The following HEXB variants were observed in gnomAD, a reference collection of about 807,000 sequenced individuals.
HEXB encodes beta-hexosaminidase subunit beta.
A neutral mutation model predicts 71.2 loss-of-function variants in HEXB; 51 were observed. That is an observed-to-expected ratio of 0.72 (90% CI 0.57 to 0.90). HEXB has a LOEUF of 0.90. Ranked by LOEUF, HEXB falls within the 40% of genes least tolerant of loss-of-function variation. HEXB has a pLI of 0.00. For missense variants in HEXB, 617 were observed against 677.0 expected (o/e 0.91, Z 0.98); for synonymous variants, 266 against 249.3 (o/e 1.07, Z -0.63).
chr5:74,708,271 G>A (rs367730905), intron 6 of HEXB, among the ~76,000 whole-genome samples: 15 of 151,660 alleles, frequency 9.9e-5, no homozygotes, highest in African/African-American at 1.9e-4. Flanking sequence ...GGCCTGCCCT[G>A]AAAGAGCTCC....
intron 1 of HEXB, among the ~76,000 whole-genome samples, chr5:74,668,349 G>A (rs1748474369): frequency 6.6e-6 from 1 of 152,008 alleles, no homozygotes; most frequent in Admixed American, 6.6e-5. Flanking sequence ...CTTCAGGACT[G>A]ACGGTGGAGG....
chr5:74,709,655 A>C (rs1749490410), intron 6 of HEXB, among the ~76,000 whole-genome samples: 1 of 152,192 alleles, frequency 6.6e-6, no homozygotes. Context: ...AGAATACTAC[A>C]AACACCTCTA....
chr5:74,718,311 C>G lies in HEXB; in HGVS notation c.1190C>G (p.Thr397Ser), dbSNP rs1426794143. 1 of 1,610,416 alleles carries G rather than the reference C, an allele frequency of 6.2e-7. No individual in the cohort carries two copies. Among genetic ancestry groups the G allele is most frequent in the East Asian group, 2.2e-5 (1 of 44,812 alleles). ...YIQKVLDIIA[T>S]INKGSIVWQE... ...ACTAGGGTTTTGGATATTATTGCAA[C>G]CATAAACAAGGGATCCATTGTCTGG... Residue 397 changes from threonine (T) to serine (S), a missense_variant, in exon 10 of 14, where the codon ACC becomes AGC. Thr to Ser is a moderately conservative substitution (Grantham distance 58). Transcript: ENST00000261416.
At chr5:74,692,085 A>G (rs575535508) in intron 2 of HEXB, among the ~76,000 whole-genome samples, 4 of 152,320 alleles carry the variant, frequency 2.6e-5, no homozygotes, top group East Asian at 1.9e-4. Flanking sequence ...AATATATGCA[A>G]TATATTAATG....
At chr5:74,684,249 C>T (rs1469613535), upstream of HEXB, among the ~76,000 whole-genome samples, 1 of 152,218 alleles carries the variant, frequency 6.6e-6, no homozygotes, top group Non-Finnish European at 1.5e-5. Context: ...ACCTCTTCTC[C>T]CTTTGGCATC....
chr5:74,650,549 C>A (rs1313450860), intron 1 of HEXB, among the ~76,000 whole-genome samples: 2 of 152,166 alleles, frequency 1.3e-5, no homozygotes, highest in African/African-American at 2.4e-5. Context: ...CAGGGGTCTG[C>A]TGCCTTTCCT....
chr5:74,670,533 A>G (rs1580369688), intron 1 of HEXB, among the ~76,000 whole-genome samples: 1 of 152,204 alleles, frequency 6.6e-6, no homozygotes, highest in Non-Finnish European at 1.5e-5. Flanking sequence ...GCCCTCCGCC[A>G]GTGAAGCGCA....
At chr5:74,685,086 G>C, upstream of HEXB, 1 of 657,114 alleles carries the variant, frequency 1.5e-6, no homozygotes, top group Non-Finnish European at 2.4e-6. Context: ...GACCTGGACA[G>C]GGCGGGCTGG....
intron 2 of HEXB, among the ~76,000 whole-genome samples, chr5:74,690,282 G>A (rs1748967197): frequency 6.6e-6 from 1 of 152,102 alleles, no homozygotes; most frequent in Admixed American, 6.6e-5. Flanking sequence ...TTGCACCAAG[G>A]AATCAAAGAA....
chr5:74,665,270 G>A (rs1748412320), intron 1 of HEXB, among the ~76,000 whole-genome samples: 1 of 152,140 alleles, frequency 6.6e-6, no homozygotes, highest in Non-Finnish European at 1.5e-5. Context: ...TCTGTAAAAT[G>A]AAAAGTACAT....
intron 1 of HEXB, among the ~76,000 whole-genome samples, chr5:74,644,752 C>T (rs1580355675): frequency 2.2e-5 from 3 of 136,162 alleles, no homozygotes; most frequent in East Asian, 2.2e-4. Flanking sequence ...AGTATTCTTC[C>T]TCTTTTTTTT....
At chr5:74,680,619 G>T (rs1238087354), upstream of HEXB, among the ~76,000 whole-genome samples, 2 of 152,160 alleles carry the variant, frequency 1.3e-5, no homozygotes, top group Non-Finnish European at 2.9e-5. Context: ...TGGTCAGAAA[G>T]TATACTCCTC....
chr5:74,702,819 A>G (rs1359745378), intron 5 of HEXB, among the ~76,000 whole-genome samples: 3 of 152,162 alleles, frequency 2.0e-5, no homozygotes, highest in Non-Finnish European at 2.9e-5. Context: ...CACTCCTTCT[A>G]TCATTTATTA....
At chr5:74,674,339 C>G (rs140728376) in intron 1 of HEXB, among the ~76,000 whole-genome samples, 10,386 of 152,092 alleles carry the variant, frequency 0.068, 489 homozygotes, top group Non-Finnish European at 0.1. Flanking sequence ...CGTGGTGGCT[C>G]AAGCCTGTAA....
At chr5:74,696,259 G>A (rs1408965765) in intron 3 of HEXB, among the ~76,000 whole-genome samples, 1 of 152,074 alleles carries the variant, frequency 6.6e-6, no homozygotes, top group South Asian at 2.1e-4. Flanking sequence ...TTGTAAATTG[G>A]CCTTTATTTA....
At chr5:74,706,987 C>T (rs1417021133) in intron 6 of HEXB, among the ~76,000 whole-genome samples, 3 of 152,298 alleles carry the variant, frequency 2.0e-5, no homozygotes, top group South Asian at 2.1e-4. Context: ...AACGGGCAGA[C>T]TGCCTCCTCA....
In HEXB at chr5:74,685,352, C is replaced by G; in HGVS notation, c.92C>G (p.Thr31Ser). ...TLLAAMLALL[T>S]QVALVVQVAE... ...CTGGCGGCGATGTTGGCGCTGCTGA[C>G]TCAGGTGGCGCTGGTGGTGCAGGTG... Residue 31 changes from threonine to serine, a missense_variant, in exon 1 of 14, where the codon ACT becomes AGT. Transcript: ENST00000261416. 1 of 1,585,746 alleles carries G rather than the reference C, an allele frequency of 6.3e-7. No homozygotes were observed. The highest frequency in any genetic ancestry group is 1.1e-5 in the South Asian group (1 of 88,660).
intron 1 of HEXB, among the ~76,000 whole-genome samples, chr5:74,679,992 T>C (rs1748709452): frequency 6.6e-6 from 1 of 152,086 alleles, no homozygotes; most frequent in Non-Finnish European, 1.5e-5. Flanking sequence ...ATTTTAACAG[T>C]ATGACTGACA....
intron 1 of HEXB, among the ~76,000 whole-genome samples, chr5:74,664,317 T>C (rs13190137): frequency 0.27 from 40,185 of 150,776 alleles, 5,496 homozygotes; most frequent in Non-Finnish European, 0.29. Flanking sequence ...GTCCCAGCTA[T>C]TCAGTACACA....
Sources: gnomAD v4.1 joint callset for allele counts (sites outside exome capture counted in the v4.1 genomes callset) on GRCh38, gnomAD v4.1.1 for gene constraint, MANE v1.5 for transcripts, NCBI Gene and HGNC (gene_info 2026-07-23, HGNC 2026-07-21) for gene names.